Variants in ZNF804A observed in about 807,000 individuals in gnomAD.
The protein encoded by ZNF804A is zinc finger protein 804A.
In ZNF804A, 2 loss-of-function variants were observed where a neutral mutation model predicts 16.5. The observed-to-expected ratio is 0.12, with a 90% CI of 0.05 to 0.38. The LOEUF (loss-of-function observed/expected upper bound fraction) is 0.38. Ranked by LOEUF, ZNF804A falls within the 10% of genes least tolerant of loss-of-function variation. The pLI, the probability that ZNF804A is intolerant of heterozygous loss-of-function variation, is 0.99. For synonymous variants in ZNF804A, 534 were observed against 489.6 expected (o/e 1.09, Z -1.20); for missense variants, 1,473 against 1,390.7 (o/e 1.06, Z -0.94).
chr2:184,715,341 T>C (rs1693196932), intron 1 of ZNF804A, among the ~76,000 whole-genome samples: 1 of 152,194 alleles, frequency 6.6e-6, no homozygotes, highest in African/African-American at 2.4e-5. Context: ...GTGACTGAGT[T>C]TTATAGTTCT....
At chr2:184,635,981 G>C (rs1438132880) in intron 1 of ZNF804A, among the ~76,000 whole-genome samples, 1 of 151,932 alleles carries the variant, frequency 6.6e-6, no homozygotes, top group Non-Finnish European at 1.5e-5. Flanking sequence ...GGAATTCTTA[G>C]GTTTGTATTT....
At chr2:184,778,997 A>C (rs1056010416) in intron 1 of ZNF804A, among the ~76,000 whole-genome samples, 1 of 151,762 alleles carries the variant, frequency 6.6e-6, no homozygotes, top group Non-Finnish European at 1.5e-5. Context: ...GAAATTAGTA[A>C]ATTTAATAAA....
rs1338424800 is a variant in ZNF804A, at chr2:184,710,943, T to C, written c.111+111873T>C. On this transcript the variant is annotated intron_variant, in intron 1 of 3. Coordinates refer to ENST00000302277, the MANE Select transcript of ZNF804A (RefSeq NM_194250.2). ...TTAGGTTGCTTTCATATCTTGACTT[T>C]TGTCAATAATGCTGCAATGAAAATG... 2.0e-5 allele frequency among the ~76,000 whole-genome samples: 3 copies of C among 151,882 alleles called. No individual in the cohort carries two copies. In the East Asian group the frequency reaches 5.8e-4, roughly 29 times the overall value.
At chr2:184,688,001 C>A (rs1325278283) in intron 1 of ZNF804A, among the ~76,000 whole-genome samples, 4 of 152,176 alleles carry the variant, frequency 2.6e-5, no homozygotes, top group African/African-American at 9.6e-5. Context: ...TGCCTGTAGT[C>A]CCAGCTACCC....
At chr2:184,607,656 A>T (rs1355242676) in intron 1 of ZNF804A, among the ~76,000 whole-genome samples, 1 of 152,100 alleles carries the variant, frequency 6.6e-6, no homozygotes, top group Non-Finnish European at 1.5e-5. Context: ...GTGGGGATAC[A>T]ACCAAACAAT....
intron 1 of ZNF804A, among the ~76,000 whole-genome samples, chr2:184,695,194 G>A (rs1692810863): frequency 6.6e-6 from 1 of 152,092 alleles, no homozygotes; most frequent in African/African-American, 2.4e-5. Flanking sequence ...GGGAGTGGTG[G>A]CTCACGCCTG....
intron 1 of ZNF804A, among the ~76,000 whole-genome samples, chr2:184,759,281 G>T (rs1476296389): frequency 6.6e-6 from 1 of 151,530 alleles, no homozygotes; most frequent in Non-Finnish European, 1.5e-5. Flanking sequence ...CATGCTAAAT[G>T]CAATGGATCC....
chr2:184,760,367 TA>T (rs1694023541), intron 1 of ZNF804A, among the ~76,000 whole-genome samples: 1 of 152,130 alleles, frequency 6.6e-6, no homozygotes, highest in South Asian at 2.1e-4. Flanking sequence ...CATATATAAT[TA>T]TTTTTTCATT....
At chr2:184,746,332 C>T (rs1693789063) in intron 1 of ZNF804A, among the ~76,000 whole-genome samples, 1 of 151,418 alleles carries the variant, frequency 6.6e-6, no homozygotes, top group African/African-American at 2.4e-5. Context: ...CTTTATCTTT[C>T]CTCCTCACTA....
intron 1 of ZNF804A, among the ~76,000 whole-genome samples, chr2:184,729,666 C>T (rs1157849563): frequency 6.6e-6 from 1 of 151,988 alleles, no homozygotes; most frequent in Non-Finnish European, 1.5e-5. Flanking sequence ...CTTAATCAAA[C>T]GTTGAATATA....
chr2:184,894,389 A>T (rs1685033688), intron 2 of ZNF804A, among the ~76,000 whole-genome samples: 1 of 152,094 alleles, frequency 6.6e-6, no homozygotes, highest in East Asian at 1.9e-4. Context: ...ACTTGAATAC[A>T]TATATTTTAA....
At chr2:184,628,309 C>T (rs1691541178) in intron 1 of ZNF804A, among the ~76,000 whole-genome samples, 1 of 150,482 alleles carries the variant, frequency 6.6e-6, no homozygotes, top group Non-Finnish European at 1.5e-5. Context: ...GTGAAACCGT[C>T]TCTGAAAAAG....
chr2:184,648,154 G>A (rs183600373), intron 1 of ZNF804A, among the ~76,000 whole-genome samples: 47 of 152,238 alleles, frequency 3.1e-4, no homozygotes, highest in Admixed American at 3.0e-3. Context: ...TTCATATCTT[G>A]CTAAACTAAG....
chr2:184,637,234 A>T (rs945539782), intron 1 of ZNF804A, among the ~76,000 whole-genome samples: 1 of 152,196 alleles, frequency 6.6e-6, no homozygotes, highest in East Asian at 1.9e-4. Flanking sequence ...TGATAATTAT[A>T]TAGTAAACGA....
chr2:184,718,044 G>C (rs946011803), intron 1 of ZNF804A, among the ~76,000 whole-genome samples: 14 of 152,036 alleles, frequency 9.2e-5, no homozygotes, highest in Non-Finnish European at 2.1e-4. Context: ...GATATACCTG[G>C]GACTGAGCAA....
intron 1 of ZNF804A, among the ~76,000 whole-genome samples, chr2:184,827,156 T>A (rs1477182059): frequency 3.3e-5 from 5 of 151,736 alleles, no homozygotes; most frequent in Admixed American, 3.3e-4. Context: ...GTCAGCATAT[T>A]TAACTAAGTG....
rs148911620 is a variant in ZNF804A, at chr2:184,812,271, A to G, written c.112-54098A>G. 9.1e-3 allele frequency among the ~76,000 whole-genome samples: 1,388 copies of G among 152,208 alleles called. 23 individuals carry two copies. The highest frequency in any genetic ancestry group is 0.032 in the African/African-American group (1,325 of 41,530). ...GCTGTCTCTAGTTCGCCAACCACAC[A>G]TTGTCTGAGTTGGGATATTCTGTGA... On this transcript the variant is annotated intron_variant, in intron 1 of 3. Transcript: ENST00000302277.
chr2:184,722,781 G>C (rs1480216128), intron 1 of ZNF804A, among the ~76,000 whole-genome samples: 1 of 151,944 alleles, frequency 6.6e-6, no homozygotes, highest in East Asian at 1.9e-4. Context: ...ATTTAACCTT[G>C]AAATGCATTA....
intron 1 of ZNF804A, among the ~76,000 whole-genome samples, chr2:184,703,620 G>A (rs1203985419): frequency 6.8e-6 from 1 of 146,466 alleles, no homozygotes; most frequent in Non-Finnish European, 1.5e-5. Context: ...AACCCAGGAG[G>A]TGGAGCTTGC....
Sources: allele counts gnomAD v4.1 joint callset (sites outside exome capture counted in the v4.1 genomes callset), GRCh38; gene constraint gnomAD v4.1.1; transcripts MANE v1.5; gene names NCBI Gene and HGNC (gene_info 2026-07-23, HGNC 2026-07-21).